KCNMA1: variants seen among roughly 807,000 people sequenced by gnomAD.
KCNMA1 encodes the protein Calcium-activated potassium channel subunit alpha-1.
A neutral mutation model predicts 140.0 loss-of-function variants in KCNMA1; 29 were observed. That is an observed-to-expected ratio of 0.21 (90% CI 0.15 to 0.28). KCNMA1 has a LOEUF of 0.28. KCNMA1 is among the 10% of genes least tolerant of loss of function. The pLI is 1.00. For synonymous variants in KCNMA1, 612 were observed against 611.9 expected (o/e 1.00, Z 0.00); for missense variants, 880 against 1,602.2 (o/e 0.55, Z 7.70).
At position 77,276,907 on chromosome 10, in the gene KCNMA1, T is replaced by C. The variant is rs142650697; in HGVS notation, c.541-25651A>G. ...TAATCCCCACAAAAAATTTAGAAGA[T>C]AGTTCTATTATTATTATCCCCACTT... On this transcript the variant is annotated intron_variant, in intron 2 of 27. Transcript: ENST00000286628. Among the ~76,000 whole-genome samples, 623 of 152,244 alleles carry C rather than the reference T, an allele frequency of 4.1e-3. 6 individuals carry two copies. Among genetic ancestry groups the C allele is most frequent in the African/African-American group, 0.014 (600 of 41,526 alleles).
chr10:76,943,742 GGCA>G (rs1177421248), intron 23 of KCNMA1, among the ~76,000 whole-genome samples: 2 of 152,206 alleles, frequency 1.3e-5, no homozygotes, highest in African/African-American at 4.8e-5. Flanking sequence ...AATGTTAGAA[GGCA>G]GTGGTGGTGA....
intron 20 of KCNMA1, among the ~76,000 whole-genome samples, chr10:76,966,992 A>G (rs142585310): frequency 1.8e-3 from 279 of 152,312 alleles, no homozygotes; most frequent in African/African-American, 6.3e-3. Flanking sequence ...ACACTAGGGT[A>G]AGCCTGATAC....
At chr10:77,233,743 G>A (rs751386103) in intron 3 of KCNMA1, among the ~76,000 whole-genome samples, 8 of 152,140 alleles carry the variant, frequency 5.3e-5, no homozygotes, top group South Asian at 2.1e-4. Context: ...CCCCTTTCTC[G>A]TTATCTCTTT....
Position 77,110,323 on chromosome 10 carries a change from T to C in KCNMA1, c.981A>G (p.Pro327=), listed in dbSNP as rs1564596849. ...CCTGGTTGTTTTGGAAATTTTCCCA[T>C]GGGTCCCCTGAATTCTCCACCTAAA... The part of the protein sequence containing the change: ...FIHLVENSGD[P]WENFQNNQAL... The change falls in exon 8 of 28, where the codon CCA becomes CCG. Residue 327 remains proline, a synonymous_variant. Transcript: ENST00000286628. 2 of 1,613,686 alleles carry C rather than the reference T, an allele frequency of 1.2e-6. No homozygotes were observed. The highest frequency in any genetic ancestry group is 1.7e-6 in the Non-Finnish European group (2 of 1,179,728).
At chr10:77,277,503 A>G (rs2067008844) in intron 2 of KCNMA1, among the ~76,000 whole-genome samples, 1 of 152,216 alleles carries the variant, frequency 6.6e-6, no homozygotes, top group African/African-American at 2.4e-5. Context: ...CCAACCTGCC[A>G]GAGAAGCTGG....
At chr10:77,396,653 G>C (rs2096065732) in intron 2 of KCNMA1, among the ~76,000 whole-genome samples, 1 of 152,178 alleles carries the variant, frequency 6.6e-6, no homozygotes, top group Non-Finnish European at 1.5e-5. Context: ...AAATGGTCCA[G>C]GCTATGTATA....
At chr10:77,174,593 T>C (rs1374751658) in intron 5 of KCNMA1, among the ~76,000 whole-genome samples, 1 of 152,234 alleles carries the variant, frequency 6.6e-6, no homozygotes, top group East Asian at 1.9e-4. Context: ...GGAGCTACCA[T>C]ACTGGACAGC....
At chr10:77,534,317 T>C (rs1433610065) in intron 1 of KCNMA1, among the ~76,000 whole-genome samples, 3 of 152,182 alleles carry the variant, frequency 2.0e-5, no homozygotes, top group Admixed American at 6.5e-5. Flanking sequence ...ACATAGGAGA[T>C]GTTTGTTATA....
intron 3 of KCNMA1, among the ~76,000 whole-genome samples, chr10:77,197,709 T>C (rs922801396): frequency 6.6e-6 from 1 of 152,050 alleles, no homozygotes; most frequent in Admixed American, 6.6e-5. Flanking sequence ...AAGAATCTGG[T>C]TAACCTGGAG....
In KCNMA1 at chr10:77,387,593, TTTTCTTTTCTTTTC is replaced by T. The variant is rs1199588267; in HGVS notation, c.540+16255_540+16268del. Among the ~76,000 whole-genome samples, 12 of 150,754 alleles carry T rather than the reference TTTTCTTTTCTTTTC, an allele frequency of 8.0e-5. No homozygotes were observed. The South Asian group carries it at 1.0e-3, about 13-fold the overall frequency. ...TTTCTTTTTTTTCTTTTCTCTTTTC[TTTTCTTTTCTTTTC>T]TTTCTTTTCTTTTCTTTTCTTTTCT... On this transcript the variant is annotated intron_variant, in intron 2 of 27. Coordinates refer to ENST00000286628, the MANE Select transcript of KCNMA1 (RefSeq NM_001161352.2).
intron 2 of KCNMA1, among the ~76,000 whole-genome samples, chr10:77,285,047 T>G (rs993224558): frequency 1.3e-5 from 2 of 152,200 alleles, no homozygotes; most frequent in African/African-American, 2.4e-5. Flanking sequence ...CTGTAAGCAT[T>G]AACAGTTTGT....
intron 2 of KCNMA1, among the ~76,000 whole-genome samples, chr10:77,259,875 T>C (rs2061587750): frequency 6.6e-6 from 1 of 152,232 alleles, no homozygotes; most frequent in Non-Finnish European, 1.5e-5. Context: ...AGGCCGGGTG[T>C]GTGTCCATTT....
At chr10:77,417,204 G>A (rs530974724) in intron 1 of KCNMA1, among the ~76,000 whole-genome samples, 1 of 152,306 alleles carries the variant, frequency 6.6e-6, no homozygotes, top group South Asian at 2.1e-4. Flanking sequence ...TGTCTCCAGG[G>A]CCCACATCTG....
chr10:77,032,915 A>T (rs889674531), intron 15 of KCNMA1, among the ~76,000 whole-genome samples: 1 of 152,186 alleles, frequency 6.6e-6, no homozygotes. Flanking sequence ...TGTTAATTAA[A>T]CATGGAAACC....
At chr10:76,938,761 G>A (rs1332095977) in intron 23 of KCNMA1, among the ~76,000 whole-genome samples, 1 of 152,076 alleles carries the variant, frequency 6.6e-6, no homozygotes, top group Non-Finnish European at 1.5e-5. Flanking sequence ...CCTGTATTGG[G>A]GCCAAATTGT....
At chr10:77,075,669 A>C (rs2153720284) in intron 13 of KCNMA1, among the ~76,000 whole-genome samples, 1 of 152,252 alleles carries the variant, frequency 6.6e-6, no homozygotes, top group South Asian at 2.1e-4. Context: ...AGAAAAGTTG[A>C]GTTTGTTCCT....
chr10:76,889,995 C>G (rs1039405049), intron 26 of KCNMA1, among the ~76,000 whole-genome samples: 3 of 152,166 alleles, frequency 2.0e-5, no homozygotes, highest in Admixed American at 2.0e-4. Context: ...GTTGTCAAAA[C>G]TGTCTGAGTG....
At chr10:77,588,091 G>A (rs1482379812) in intron 1 of KCNMA1, among the ~76,000 whole-genome samples, 1 of 152,224 alleles carries the variant, frequency 6.6e-6, no homozygotes, top group Admixed American at 6.5e-5. Context: ...TGGGAATGAA[G>A]CCTGGGTCCC....
At chr10:77,235,557 G>A (rs2055141995) in intron 3 of KCNMA1, among the ~76,000 whole-genome samples, 1 of 152,174 alleles carries the variant, frequency 6.6e-6, no homozygotes, top group South Asian at 2.1e-4. Flanking sequence ...CATACATCCA[G>A]GCTGACCCCT....
Sources: allele counts gnomAD v4.1 joint callset (sites outside exome capture counted in the v4.1 genomes callset), GRCh38; gene constraint gnomAD v4.1.1; transcripts MANE v1.5; gene names NCBI Gene and HGNC (gene_info 2026-07-23, HGNC 2026-07-21).